NYAP2: variants seen among roughly 807,000 people sequenced by gnomAD.
The protein encoded by NYAP2 is neuronal tyrosine-phosphorylated phosphoinositide-3-kinase adapter 2.
NYAP2 carries 23 observed loss-of-function variants against 50.4 expected under a neutral mutation model. The ratio of observed to expected loss-of-function variants is 0.46; its 90% CI spans 0.33 to 0.65. The LOEUF (loss-of-function observed/expected upper bound fraction) is 0.65. NYAP2 is among the 30% of genes least tolerant of loss of function. The pLI, the probability that NYAP2 is intolerant of heterozygous loss-of-function variation, is 0.02. For missense variants in NYAP2, 885 were observed against 861.0 expected, an observed-to-expected ratio of 1.03 and a Z score of -0.35; for synonymous variants, 394 against 365.2, an observed-to-expected ratio of 1.08 and a Z score of -0.90.
At chr2:225,604,781 C>G (rs1330648378) in intron 5 of NYAP2, among the ~76,000 whole-genome samples, 1 of 152,088 alleles carries the variant, frequency 6.6e-6, no homozygotes, top group East Asian at 1.9e-4. Flanking sequence ...AACACTATTA[C>G]TCTCTATAAC....
chr2:225,570,163 G>A (rs1692041069), intron 4 of NYAP2, among the ~76,000 whole-genome samples: 1 of 152,248 alleles, frequency 6.6e-6, no homozygotes. Flanking sequence ...GTGAACAGAG[G>A]GCTGTGTCTT....
At chr2:225,447,452 T>C (rs180747129) in intron 3 of NYAP2, among the ~76,000 whole-genome samples, 114 of 152,328 alleles carry the variant, frequency 7.5e-4, no homozygotes, top group African/African-American at 2.5e-3. Flanking sequence ...GCTTATTATA[T>C]AGATGGAGAG....
chr2:225,626,982 G>A, exon 6 of NYAP2: 1 of 1,587,588 alleles, frequency 6.3e-7, no homozygotes, highest in Non-Finnish European at 8.6e-7. Flanking sequence ...GGACAACAAG[G>A]AAAGAGGCCA....
the NYAP2 span, among the ~76,000 whole-genome samples, chr2:225,678,287 T>C: frequency 6.6e-6 from 1 of 152,136 alleles, no homozygotes; most frequent in African/African-American, 2.4e-5. Flanking sequence ...TGATTGCGTT[T>C]ATTTGAATCT....
At chr2:225,589,380 C>A (rs1692448850) in intron 5 of NYAP2, among the ~76,000 whole-genome samples, 1 of 150,082 alleles carries the variant, frequency 6.7e-6, no homozygotes, top group Non-Finnish European at 1.5e-5. Flanking sequence ...ATTTAATATA[C>A]ATTTTGAGGT....
chr2:225,486,528 T>C (rs957809880), intron 3 of NYAP2, among the ~76,000 whole-genome samples: 1 of 152,142 alleles, frequency 6.6e-6, no homozygotes, highest in African/African-American at 2.4e-5. Context: ...CTTATGGTAT[T>C]AGGTACACTT....
chr2:225,675,053 T>A, the NYAP2 span, among the ~76,000 whole-genome samples: 1 of 152,128 alleles, frequency 6.6e-6, no homozygotes, highest in Non-Finnish European at 1.5e-5. Context: ...AACTAGAAAT[T>A]TTTTTACAAG....
At chr2:225,477,159 T>G (rs1445834600) in intron 3 of NYAP2, among the ~76,000 whole-genome samples, 1 of 151,784 alleles carries the variant, frequency 6.6e-6, no homozygotes, top group Non-Finnish European at 1.5e-5. Context: ...CAAACTTTAC[T>G]GTGCATGTAA....
At chr2:225,499,405 G>T (rs934802190) in intron 3 of NYAP2, among the ~76,000 whole-genome samples, 1 of 151,598 alleles carries the variant, frequency 6.6e-6, no homozygotes, top group African/African-American at 2.4e-5. Context: ...CTCTGCCTCC[G>T]GGGTTCACGC....
chr2:225,453,242 GAAAT>G (rs1471854369), intron 3 of NYAP2, among the ~76,000 whole-genome samples: 1 of 152,096 alleles, frequency 6.6e-6, no homozygotes, highest in Non-Finnish European at 1.5e-5. Context: ...TTCAAACACT[GAAAT>G]AAACAGGGAA....
chr2:225,590,963 A>G (rs1213226608), intron 5 of NYAP2, among the ~76,000 whole-genome samples: 6 of 152,206 alleles, frequency 3.9e-5, no homozygotes, highest in Non-Finnish European at 7.3e-5. Flanking sequence ...TCTGAGTTTG[A>G]GAACCACTGA....
chr2:225,477,428 G>A (rs1432298359), intron 3 of NYAP2, among the ~76,000 whole-genome samples: 2 of 151,628 alleles, frequency 1.3e-5, no homozygotes, highest in South Asian at 2.1e-4. Context: ...AGTAGAGATG[G>A]GGTTTCACTG....
intron 4 of NYAP2, among the ~76,000 whole-genome samples, chr2:225,579,947 C>T (rs934817954): frequency 6.6e-6 from 1 of 152,184 alleles, no homozygotes; most frequent in African/African-American, 2.4e-5. Flanking sequence ...TTACCCATCT[C>T]AGGGACACAC....
intron 4 of NYAP2, among the ~76,000 whole-genome samples, chr2:225,532,608 A>G (rs1049603028): frequency 1.3e-5 from 2 of 152,208 alleles, no homozygotes; most frequent in African/African-American, 4.8e-5. Context: ...TAGAGAAGCC[A>G]AACTCCTTCT....
At chr2:225,417,433 T>C (rs1461273907) in intron 3 of NYAP2, among the ~76,000 whole-genome samples, 1 of 151,952 alleles carries the variant, frequency 6.6e-6, no homozygotes. Flanking sequence ...AAAGTTATTC[T>C]CAATAATGCT....
rs568657386 is a variant in NYAP2 at position 225,578,943 on chromosome 2, G to A, written c.524-2998G>A. On this transcript the variant is annotated intron_variant, in intron 4 of 6. Transcript: ENST00000636099. The stretch of plus-strand genomic sequence containing the variant: ...CTAAACATTCAAAATCAAGATAGTA[G>A]CATGGTCGGTTTCTGATGAGGGCTC... Among the ~76,000 whole-genome samples, 8 of 152,220 alleles carry A rather than the reference G, an allele frequency of 5.3e-5. No homozygotes were observed. In the South Asian group the frequency reaches 1.0e-3, roughly 20 times the overall value.
rs1408752715 is a variant in NYAP2 at position 225,615,198 on chromosome 2, AGGACAAAG to A, written c.1619-11715_1619-11708del. 2.0e-5 allele frequency among the ~76,000 whole-genome samples: 3 copies of A among 152,318 alleles called. No individual in the cohort carries two copies. In the East Asian group the frequency reaches 5.8e-4, roughly 29 times the overall value. On this transcript the variant is annotated intron_variant, in intron 5 of 6. Coordinates refer to ENST00000636099, the Ensembl canonical transcript of NYAP2. The stretch of plus-strand genomic sequence containing the variant: ...TGGCTTAACTAGATGCCCAGAAAGA[AGGACAAAG>A]GGATTTGGTCAGCATGTGGCTAGTC...
At chr2:225,551,876 C>T (rs1184978042) in intron 4 of NYAP2, among the ~76,000 whole-genome samples, 1 of 151,980 alleles carries the variant, frequency 6.6e-6, no homozygotes, top group Non-Finnish European at 1.5e-5. Flanking sequence ...GCAGTGGTGC[C>T]ATCTCGGCTC....
At chr2:225,464,584 G>C (rs1689886083) in intron 3 of NYAP2, among the ~76,000 whole-genome samples, 1 of 152,218 alleles carries the variant, frequency 6.6e-6, no homozygotes, top group Non-Finnish European at 1.5e-5. Context: ...GGCCATTGCA[G>C]GGACAGGGGC....
Sources: gnomAD v4.1 joint callset for allele counts (sites outside exome capture counted in the v4.1 genomes callset) on GRCh38, gnomAD v4.1.1 for gene constraint, MANE v1.5 for transcripts, NCBI Gene and HGNC (gene_info 2026-07-23, HGNC 2026-07-21) for gene names.